Variants in NFASC observed in about 807,000 individuals in gnomAD.
NFASC encodes neurofascin.
NFASC carries 43 observed loss-of-function variants against 147.5 expected under a neutral mutation model. That is an observed-to-expected ratio of 0.29 (90% CI 0.23 to 0.38). The LOEUF is 0.38. NFASC is among the 10% of genes least tolerant of loss of function. The pLI is 1.00. For synonymous variants in NFASC, 622 were observed against 665.5 expected, an observed-to-expected ratio of 0.93 and a Z score of 1.01; for missense variants, 1,320 against 1,689.0, an observed-to-expected ratio of 0.78 and a Z score of 3.83.
At chr1:204,877,007 T>C (rs1277836616) in intron 1 of NFASC, among the ~76,000 whole-genome samples, 1 of 110,004 alleles carries the variant, frequency 9.1e-6, no homozygotes, top group African/African-American at 4.2e-5. Context: ...TATATATATA[T>C]ATATATATAT....
At chr1:204,993,425 C>T (rs1049370370) in intron 24 of NFASC, among the ~76,000 whole-genome samples, 16 of 152,220 alleles carry the variant, frequency 1.1e-4, no homozygotes, top group Admixed American at 9.2e-4. Context: ...TGCCCTGTTC[C>T]GTGGCAGGTT....
rs1028867450 is a variant in NFASC, at chr1:204,974,653, T to C, written c.1392-4T>C. ...TGCTGTGTGTTCTGCTGCTCTGTTG[T>C]GAGGTTTAAGAATGGGCAAGGAAGC... is the stretch of plus-strand genomic sequence containing the variant. On this transcript the variant is annotated splice_polypyrimidine_tract_variant and splice_region_variant and intron_variant, in intron 13 of 29. Coordinates refer to ENST00000339876, the MANE Select transcript of NFASC (RefSeq NM_001005388.3). The C allele has an allele frequency of 3.7e-6, 6 of 1,613,908 alleles. No individual in the cohort carries two copies. In the African/African-American group the frequency reaches 4.0e-5, roughly 11 times the overall value.
intron 20 of NFASC, 41 bp from the exon 21 acceptor site, chr1:204,981,757 C>G: frequency 7.2e-7 from 1 of 1,379,466 alleles, no homozygotes; most frequent in African/African-American, 1.5e-5. Flanking sequence ...ATCTGGGCCC[C>G]TCTCTGGCAG....
At chr1:204,936,120 T>C (rs1294551377) in intron 2 of NFASC, among the ~76,000 whole-genome samples, 1 of 151,618 alleles carries the variant, frequency 6.6e-6, no homozygotes, top group African/African-American at 2.4e-5. Context: ...GGCCCCTGAG[T>C]CATTTTCGGA....
intron 1 of NFASC, among the ~76,000 whole-genome samples, chr1:204,885,284 T>C (rs1228799559): frequency 1.3e-5 from 2 of 152,100 alleles, no homozygotes; most frequent in Admixed American, 1.3e-4. Context: ...AATAACACAG[T>C]GTGGAACAAG....
intron 1 of NFASC, among the ~76,000 whole-genome samples, chr1:204,906,961 T>C (rs186976587): frequency 6.6e-6 from 1 of 152,296 alleles, no homozygotes; most frequent in East Asian, 1.9e-4. Context: ...GGGATTGTCA[T>C]TTCTCTGGAG....
intron 8 of NFASC, among the ~76,000 whole-genome samples, 165 bp downstream of exon 8, chr1:204,957,991 T>C (rs986725206): frequency 4.6e-5 from 7 of 152,130 alleles, no homozygotes; most frequent in Non-Finnish European, 1.0e-4. Context: ...TCTTAAACGA[T>C]CTCTCTTGAT....
At chr1:205,001,043 G>A (rs2095971839) in intron 25 of NFASC, 127 bp from the exon 26 acceptor site, 4 of 697,374 alleles carry the variant, frequency 5.7e-6, no homozygotes, top group Admixed American at 4.1e-5. Flanking sequence ...ATGACTGTGT[G>A]TACATGTGTG....
chr1:204,865,060 T>C (rs993043524), intron 1 of NFASC, among the ~76,000 whole-genome samples: 38 of 152,176 alleles, frequency 2.5e-4, no homozygotes, highest in African/African-American at 8.7e-4. Flanking sequence ...AGTTTTATGG[T>C]TTTAGCACTC....
intron 2 of NFASC, among the ~76,000 whole-genome samples, chr1:204,928,882 AAG>A (rs1344278086): frequency 1.3e-5 from 2 of 152,116 alleles, no homozygotes; most frequent in African/African-American, 4.8e-5. Flanking sequence ...GCGCCTCATA[AAG>A]AGTTTTCGCC....
intron 28 of NFASC, among the ~76,000 whole-genome samples, chr1:205,011,173 T>G (rs2096246762): frequency 6.6e-6 from 1 of 151,074 alleles, no homozygotes; most frequent in African/African-American, 2.4e-5. Flanking sequence ...AATGCTTCCT[T>G]CTCCCCATCT....
intron 1 of NFASC, among the ~76,000 whole-genome samples, chr1:204,907,174 G>A (rs922107724): frequency 6.6e-6 from 1 of 152,140 alleles, no homozygotes; most frequent in Non-Finnish European, 1.5e-5. Flanking sequence ...TCTAACATGT[G>A]TATAATGGTA....
intron 13 of NFASC, 73 bp downstream of exon 13, chr1:204,974,363 AGTAG>A: frequency 8.3e-7 from 1 of 1,207,222 alleles, no homozygotes. Flanking sequence ...TCTGGCCCAT[AGTAG>A]GTGTTCAGCA....
chr1:204,840,095 C>T (rs1674876221), intron 1 of NFASC, among the ~76,000 whole-genome samples: 1 of 152,180 alleles, frequency 6.6e-6, no homozygotes, highest in Admixed American at 6.5e-5. Context: ...GCACACAGAT[C>T]ACCTGGGATC....
intron 1 of NFASC, among the ~76,000 whole-genome samples, chr1:204,854,304 T>C (rs1209355455): frequency 6.6e-6 from 1 of 152,018 alleles, no homozygotes; most frequent in Non-Finnish European, 1.5e-5. Context: ...ACCCAATAGG[T>C]GAATGCCTAT....
intron 1 of NFASC, chr1:204,870,645 A>G (rs2077535077): frequency 9.7e-7 from 1 of 1,031,796 alleles, no homozygotes; most frequent in South Asian, 3.6e-5. Flanking sequence ...CAACTCTTCC[A>G]TTATGCATGA....
intron 1 of NFASC, among the ~76,000 whole-genome samples, chr1:204,847,760 G>C (rs546447657): frequency 6.6e-6 from 1 of 152,240 alleles, no homozygotes; most frequent in African/African-American, 2.4e-5. Flanking sequence ...TTGATCCACT[G>C]CCATCTCTGT....
chr1:204,839,134 G>A (rs569321880), intron 1 of NFASC, among the ~76,000 whole-genome samples: 26 of 152,290 alleles, frequency 1.7e-4, no homozygotes, highest in Non-Finnish European at 2.6e-4. Context: ...TTCTCCAATA[G>A]AATCTCAATG....
At position 204,832,850 on chromosome 1, in the gene NFASC, G is replaced by A. The variant is rs116610444; in HGVS notation, c.-200+4068G>A. On this transcript the variant is annotated intron_variant, in intron 1 of 29. Coordinates refer to ENST00000339876, the MANE Select transcript of NFASC (RefSeq NM_001005388.3). Reference sequence around the variant, plus strand: ...GTCATAGTGAGCAGTAGGATCTGGAGTGATTGCACCAAACTGTCTGGACAG... The same window carrying A: ...GTCATAGTGAGCAGTAGGATCTGGAATGATTGCACCAAACTGTCTGGACAG... Among the ~76,000 whole-genome samples the A allele has an allele frequency of 3.0e-3, 457 of 152,366 alleles. 7 individuals are homozygous for A. The highest frequency in any genetic ancestry group is 0.011 in the African/African-American group (441 of 41,580).
Sources: gnomAD v4.1 joint callset for allele counts (sites outside exome capture counted in the v4.1 genomes callset) on GRCh38, gnomAD v4.1.1 for gene constraint, MANE v1.5 for transcripts, NCBI Gene and HGNC (gene_info 2026-07-23, HGNC 2026-07-21) for gene names.